Variants in PTPRH observed in about 807,000 individuals in gnomAD.
PTPRH encodes the protein protein tyrosine phosphatase receptor type H.
A neutral mutation model predicts 130.2 loss-of-function variants in PTPRH; 113 were observed. The observed-to-expected ratio is 0.87, with a 90% confidence interval of 0.75 to 1.01. The LOEUF is 1.01. Ranked by LOEUF, PTPRH falls within the 50% of genes least tolerant of loss-of-function variation. PTPRH has a pLI of 0.00. For synonymous variants in PTPRH, 556 were observed against 577.9 expected, an observed-to-expected ratio of 0.96 and a Z score of 0.54; for missense variants, 1,430 against 1,425.0, an observed-to-expected ratio of 1.00 and a Z score of -0.06.
intron 4 of PTPRH, 29 bp downstream of exon 4, chr19:55,205,297 G>C: frequency 6.2e-7 from 1 of 1,613,382 alleles, no homozygotes; most frequent in East Asian, 2.2e-5. Flanking sequence ...AAACAAGTAA[G>C]AGCAAAACAA....
Position 55,198,787 on chromosome 19 carries a change from C to T in PTPRH, c.1546G>A (p.Gly516Ser), listed in dbSNP as rs189289995. The change falls in exon 8 of 20, where the codon GGC becomes AGC. Residue 516 changes from glycine (G) to serine (S), a missense_variant. Coordinates refer to ENST00000376350, the MANE Select transcript of PTPRH (RefSeq NM_002842.5). ...YSYWVSWVRE[G>S]MTDPRTQSTS... ...CTTTGGGTCCTGGGGTCAGTCATGC[C>T]TTCCCTGACCCATGAGACCCAGTAG... is the stretch of plus-strand genomic sequence containing the variant. The T allele has an allele frequency of 6.2e-7, 1 of 1,613,486 alleles. No homozygotes were observed. Among genetic ancestry groups the T allele is most frequent in the East Asian group, 2.2e-5 (1 of 44,850 alleles).
At chr19:55,188,765 G>A (rs73619558) in intron 12 of PTPRH, among the ~76,000 whole-genome samples, 5,426 of 152,202 alleles carry the variant, frequency 0.036, 302 homozygotes, top group African/African-American at 0.12. Flanking sequence ...ACCACTGCCT[G>A]TGCCTGCCTT....
chr19:55,187,677 C>T lies in PTPRH; in HGVS notation c.2476-74G>A. On this transcript the variant is annotated intron_variant, in intron 13 of 19. Coordinates refer to ENST00000376350, the MANE Select transcript of PTPRH (RefSeq NM_002842.5). ...TCCCTCGGGGGTACCCCCGAGCTCC[C>T]CTTGCCTTCTTCGGCATCACCCCTT... The T allele has an allele frequency of 3.6e-6, 4 of 1,112,478 alleles. No homozygotes were observed. The South Asian group carries it at 3.7e-5, about 10-fold the overall frequency. The allele number at this position is 1,112,478 out of a possible 1,614,324, so 68.9% of individuals were successfully genotyped here. A position where few individuals can be genotyped will look rare whatever the true frequency, so the allele number is the denominator to read the frequency against.
In PTPRH at chr19:55,185,609, C is replaced by G. The variant is rs368351412; in HGVS notation, c.2955G>C (p.Pro985=). The change falls in exon 18 of 20, where the codon CCG becomes CCC. Residue 985 remains proline (P), a synonymous_variant. Coordinates refer to ENST00000376350, the MANE Select transcript of PTPRH (RefSeq NM_002842.5). ...CTGGGGAGGAGGGAACGCCGTGATC[C>G]GGCCAGGCCTGGTAGTGGAATTGGC... The part of the protein sequence containing the change: ...SVRQFHYQAW[P]DHGVPSSPDT... 2.6e-5 allele frequency: 42 copies of G among 1,614,094 alleles called. No individual in the cohort carries two copies. The highest frequency in any genetic ancestry group is 3.6e-5 in the Non-Finnish European group (42 of 1,180,052).
In PTPRH at chr19:55,185,920, G is replaced by A. The variant is rs779273555; in HGVS notation, c.2843C>T (p.Thr948Ile). 1 of 1,614,154 alleles carries A rather than the reference G, an allele frequency of 6.2e-7. No individual in the cohort carries two copies. Among genetic ancestry groups the A allele is most frequent in the East Asian group, 2.2e-5 (1 of 44,876 alleles). ...QPCTHGHLRV[T>I]LVGEEVMENW... ...CTCCATCACTTCCTCACCTACCAGG[G>A]TTACCCGCAGGTGCCCATGGGTGCA... Residue 948 changes from threonine to isoleucine, a missense_variant, in exon 17 of 20, where the codon ACC becomes ATC. Physicochemically the swap from Thr to Ile is moderately conservative, Grantham distance 89 (BLOSUM62 -1). Transcript: ENST00000376350.
At chr19:55,203,033 C>CAA (rs75261116) in intron 5 of PTPRH, among the ~76,000 whole-genome samples, 1 of 122,478 alleles carries the variant, frequency 8.2e-6, no homozygotes, top group Admixed American at 8.8e-5. Flanking sequence ...GACTCTGTCC[C>CAA]AAAAAAAAAA....
rs1222795102 is a variant in PTPRH at position 55,197,156 on chromosome 19, C to T, written c.1951G>A (p.Asp651Asn). 8.1e-6 allele frequency: 13 copies of T among 1,614,150 alleles called. No homozygotes were observed. Among genetic ancestry groups the T allele is most frequent in the African/African-American group, 2.7e-5 (2 of 74,954 alleles). ...AGGCTCTGCGTGGAACTGGCTACGT[C>T]ATTCCTCTCTGCCCACACGGTGAAA... is the stretch of plus-strand genomic sequence containing the variant. The part of the protein sequence containing the change: ...YNFTVWAERN[D>N]VASSTQSLCA... The change falls in exon 9 of 20, where the codon GAC becomes AAC. Residue 651 changes from aspartate to asparagine, a missense_variant. Physicochemically the swap from Asp to Asn is conservative, Grantham distance 23. Coordinates refer to ENST00000376350, the MANE Select transcript of PTPRH (RefSeq NM_002842.5).
At chr19:55,197,027 G>A in intron 9 of PTPRH, 90 bp downstream of exon 9, 2 of 1,473,672 alleles carry the variant, frequency 1.4e-6, no homozygotes, top group Non-Finnish European at 9.3e-7. Context: ...CCTGTGGCCT[G>A]ATGGAATTTG....
At chr19:55,184,706 G>A (rs2086268490) in intron 18 of PTPRH, among the ~76,000 whole-genome samples, 1 of 151,796 alleles carries the variant, frequency 6.6e-6, no homozygotes, top group Admixed American at 6.6e-5. Context: ...AGAATTGCTT[G>A]AACTCGGGAG....
rs554409715 is a variant in PTPRH at position 55,198,201 on chromosome 19, G to A, written c.1690+442C>T. 3.9e-5 allele frequency among the ~76,000 whole-genome samples: 6 copies of A among 152,290 alleles called. No homozygotes were observed. The East Asian group carries it at 9.6e-4, about 24-fold the overall frequency. On this transcript the variant is annotated intron_variant, in intron 8 of 19. Coordinates refer to ENST00000376350, the MANE Select transcript of PTPRH (RefSeq NM_002842.5). ...ACTGCACTCCAGCCTGGGCAACAGA[G>A]CAAGACCCTGTCACACACACAAAAA...
intron 7 of PTPRH, among the ~76,000 whole-genome samples, chr19:55,199,436 C>T (rs865962949): frequency 5.9e-5 from 9 of 152,172 alleles, no homozygotes; most frequent in African/African-American, 2.2e-4. Context: ...AAAACCCTGT[C>T]TCTACTAAAA....
intron 10 of PTPRH, 138 bp from the exon 11 acceptor site, chr19:55,191,879 T>C (rs1183543201): frequency 1.3e-6 from 1 of 796,562 alleles, no homozygotes; most frequent in South Asian, 1.4e-5. Context: ...CGGTGTGAAT[T>C]GCGTCGGTCC....
intron 10 of PTPRH, among the ~76,000 whole-genome samples, chr19:55,193,850 T>C (rs1425248927): frequency 1.3e-5 from 2 of 150,916 alleles, no homozygotes; most frequent in East Asian, 2.0e-4. Flanking sequence ...TTTTTTTTTT[T>C]CTTGGTTTGT....
chr19:55,204,179 G>C, intron 4 of PTPRH, 131 bp from the exon 5 acceptor site: 1 of 1,043,226 alleles, frequency 9.6e-7, no homozygotes, highest in Non-Finnish European at 1.4e-6. Flanking sequence ...GAGTGCAGTG[G>C]CACGATCTCG....
chr19:55,192,550 T>TTTTTTC (rs1388963142), intron 10 of PTPRH, among the ~76,000 whole-genome samples: 1 of 151,896 alleles, frequency 6.6e-6, no homozygotes, highest in East Asian at 1.9e-4. Context: ...GTGCAGATTT[T>TTTTTTC]TTTTTCTTTT....
In PTPRH at chr19:55,181,627, C is replaced by G. The variant is rs1321230546; in HGVS notation, c.*127G>C. 3.7e-6 allele frequency: 5 copies of G among 1,341,998 alleles called. No individual in the cohort carries two copies. The highest frequency in any genetic ancestry group is 5.2e-6 in the Non-Finnish European group (5 of 970,644). The allele number at this position is 1,341,998 out of a possible 1,614,324, so 83.1% of individuals were successfully genotyped here. ...CCTGGGGAAACCAGAGTTTGGGATA[C>G]CAGCCCCCTCCTCCCACAGCACCCA... On this transcript the variant is annotated 3_prime_UTR_variant, in exon 20 of 20. Transcript: ENST00000376350.
intron 4 of PTPRH, among the ~76,000 whole-genome samples, chr19:55,204,584 C>T (rs963437994): frequency 6.6e-6 from 1 of 152,126 alleles, no homozygotes; most frequent in African/African-American, 2.4e-5. Context: ...AGAGACTGCA[C>T]TCCCCCCCAC....
At chr19:55,183,585 G>C (rs978313617) in intron 18 of PTPRH, among the ~76,000 whole-genome samples, 2 of 151,960 alleles carry the variant, frequency 1.3e-5, no homozygotes, top group Non-Finnish European at 2.9e-5. Context: ...TTAGCCAGGC[G>C]GGGTGGCAGG....
chr19:55,206,663 A>C, intron 3 of PTPRH, 26 bp downstream of exon 3: 1 of 1,550,082 alleles, frequency 6.5e-7, no homozygotes, highest in Non-Finnish European at 8.8e-7. Flanking sequence ...AAAAGAAATA[A>C]AAATAAAGCA....
Sources: gnomAD v4.1 joint callset for allele counts (sites outside exome capture counted in the v4.1 genomes callset) on GRCh38, gnomAD v4.1.1 for gene constraint, MANE v1.5 for transcripts, NCBI Gene and HGNC (gene_info 2026-07-23, HGNC 2026-07-21) for gene names.